Variants in SYF2 observed in about 807,000 individuals in gnomAD.
SYF2 encodes the protein pre-mRNA-splicing factor SYF2.
In SYF2, 21 loss-of-function variants were observed where a neutral mutation model predicts 32.7. That is an observed-to-expected ratio of 0.64 (90% CI 0.45 to 0.92). The LOEUF is 0.92. Among genes scored for constraint, SYF2 ranks in the 40% least tolerant of loss-of-function variants. The probability of loss-of-function intolerance (pLI) is 0.00; values close to 1 mark genes in which losing one functional copy is unlikely to be tolerated. For missense variants in SYF2, 278 were observed against 296.5 expected, an observed-to-expected ratio of 0.94 and a Z score of 0.46; for synonymous variants, 114 against 103.9, an observed-to-expected ratio of 1.10 and a Z score of -0.59.
Position 25,228,918 on chromosome 1 carries a change from T to C in SYF2, c.258+80A>G, listed in dbSNP as rs1396491794. The stretch of plus-strand genomic sequence containing the variant: ...TGGCAGCTTGGCCTAAGAGCCAGTG[T>C]ATACAACCACCATGTTGTAGTGTCT... On this transcript the variant is annotated intron_variant, in intron 3 of 6. Coordinates refer to ENST00000236273, the MANE Select transcript of SYF2 (RefSeq NM_015484.5). The C allele has an allele frequency of 2.0e-6, 3 of 1,515,218 alleles. No individual in the cohort carries two copies. The African/African-American group carries it at 4.4e-5, about 22-fold the overall frequency. 93.9% of individuals were successfully genotyped at this position (1,515,218 alleles called of 1,614,324 possible).
chr1:25,227,236 C>A (rs1245469507), intron 5 of SYF2, among the ~76,000 whole-genome samples: 1 of 152,016 alleles, frequency 6.6e-6, no homozygotes, highest in East Asian at 1.9e-4. Context: ...TGAGCTGAGA[C>A]CGCACCATTC....
intron 4 of SYF2, 76 bp from the exon 5 acceptor site, chr1:25,227,608 T>A: frequency 7.6e-7 from 1 of 1,309,970 alleles, no homozygotes; most frequent in South Asian, 1.3e-5. Context: ...AAATCTAAAT[T>A]ATCACAGGTG....
chr1:25,232,388 C>T, intron 1 of SYF2, 56 bp downstream of exon 1: 1 of 1,613,906 alleles, frequency 6.2e-7, no homozygotes, highest in Non-Finnish European at 8.5e-7. Context: ...TCTCTCCAGG[C>T]CGCTCCCCGG....
At position 25,222,602 on chromosome 1, in the gene SYF2, T is replaced by C. The variant is rs1396848466; in HGVS notation, c.*664A>G. On this transcript the variant is annotated 3_prime_UTR_variant, in exon 7 of 7. Coordinates refer to ENST00000236273, the MANE Select transcript of SYF2 (RefSeq NM_015484.5). ...CCATAATAAAATATTCTTTCAGTGT[T>C]TGTAGAATGGAAGCATGTATGTATA... 1 of 152,144 alleles carries C rather than the reference T, an allele frequency of 6.6e-6. No homozygotes were observed. The highest frequency in any genetic ancestry group is 2.4e-5 in the African/African-American group (1 of 41,430). 9.4% of individuals were successfully genotyped at this position (152,144 alleles called of 1,614,324 possible). A position where few individuals can be genotyped will look rare whatever the true frequency, so the allele number is the denominator to read the frequency against.
Position 25,232,162 on chromosome 1 carries a change from A to G in SYF2, c.74T>C (p.Leu25Pro), listed in dbSNP as rs1292572110. Residue 25 changes from leucine to proline, a missense_variant, in exon 2 of 7, where the codon CTG (leucine) becomes CCG (proline). By Grantham distance (98) the Leu-to-Pro change is moderately conservative (BLOSUM62 -3). Transcript: ENST00000236273. ...TCTCTGTTCGCGCTTCTGAGCGGCC[A>G]GCTCCGCCGCCGCAGCGAGGGACCC... ...EEGSLAAAAE[L>P]AAQKREQRLR... is the part of the protein sequence containing the mutation. The G allele has an allele frequency of 6.2e-7, 1 of 1,613,836 alleles. No individual in the cohort carries two copies. The highest frequency in any genetic ancestry group is 1.7e-5 in the Admixed American group (1 of 60,016).
rs760506336 is a variant in SYF2, at chr1:25,227,440, ACTGTTTTT to A, written c.461_467+1del. ...ATCACCTCAGGTTGAAAAAGGACTT[ACTGTTTTT>A]CTCTCAGTCTCTCATATGTTTCCAT... On this transcript the variant is annotated splice_donor_variant and coding_sequence_variant, in exon 5 of 7. Coordinates refer to ENST00000236273, the MANE Select transcript of SYF2 (RefSeq NM_015484.5). LOFTEE classifies it high-confidence loss of function. 14 of 1,612,336 alleles carry A rather than the reference ACTGTTTTT, an allele frequency of 8.7e-6. No individual in the cohort carries two copies. Among genetic ancestry groups the A allele is most frequent in the Non-Finnish European group, 1.0e-5 (12 of 1,179,158 alleles).
rs1298418680 is a variant in SYF2, at chr1:25,222,751, A to T, written c.*515T>A. 2.6e-5 allele frequency: 4 copies of T among 152,898 alleles called. No homozygotes were observed. Among genetic ancestry groups the T allele is most frequent in the Non-Finnish European group, 5.8e-5 (4 of 68,426 alleles). 9.5% of individuals were successfully genotyped at this position (152,898 alleles called of 1,614,324 possible). A position where few individuals can be genotyped will look rare whatever the true frequency, so the allele number is the denominator to read the frequency against. Reference sequence around the variant, plus strand: ...GTACATGATCAGATCATGGAAGGATAGCTCCACTCCTCCCCGACCTTGGTC... The same window carrying T: ...GTACATGATCAGATCATGGAAGGATTGCTCCACTCCTCCCCGACCTTGGTC... On this transcript the variant is annotated 3_prime_UTR_variant, in exon 7 of 7. Transcript: ENST00000236273.
chr1:25,223,120 A>C lies in SYF2; in HGVS notation c.*146T>G, dbSNP rs1557468052. On this transcript the variant is annotated 3_prime_UTR_variant, in exon 7 of 7. Transcript: ENST00000236273. ...ATACATGAAAGGATATACGTTTAAG[A>C]AACCACATTTTTATTTCTAAATGCT... 1 of 708,640 alleles carries C rather than the reference A, an allele frequency of 1.4e-6. No individual in the cohort carries two copies. Among genetic ancestry groups the C allele is most frequent in the Non-Finnish European group, 2.2e-6 (1 of 448,368 alleles). 43.9% of individuals were successfully genotyped at this position (708,640 alleles called of 1,614,324 possible).
intron 2 of SYF2, among the ~76,000 whole-genome samples, chr1:25,230,100 G>A (rs930017626): frequency 6.6e-6 from 1 of 152,322 alleles, no homozygotes; most frequent in Non-Finnish European, 1.5e-5. Flanking sequence ...TTACAGGCAT[G>A]TGCCACCACA....
Position 25,229,246 on chromosome 1 carries a change from G to A in SYF2, c.133-123C>T. The A allele has an allele frequency of 6.1e-6, 7 of 1,141,784 alleles. 1 individual carries two copies. The South Asian group carries it at 1.1e-4, about 18-fold the overall frequency. The allele number at this position is 1,141,784 out of a possible 1,614,324, so 70.7% of individuals were successfully genotyped here. On this transcript the variant is annotated intron_variant, in intron 2 of 6. Transcript: ENST00000236273. ...AAGCTGACCCCATTTTATCCTAAAAGCAATAGAGAGCCATCACAGGATTTT... is the reference window on the plus strand; with the variant it reads ...AAGCTGACCCCATTTTATCCTAAAAACAATAGAGAGCCATCACAGGATTTT...
chr1:25,227,237 C>G (rs981343659), intron 5 of SYF2, among the ~76,000 whole-genome samples: 1 of 152,030 alleles, frequency 6.6e-6, no homozygotes, highest in Non-Finnish European at 1.5e-5. Flanking sequence ...GAGCTGAGAC[C>G]GCACCATTCA....
At position 25,232,126 on chromosome 1, in the gene SYF2, A is replaced by C. The variant is rs1286005745; in HGVS notation, c.110T>G (p.Phe37Cys). 6.2e-7 allele frequency: 1 copy of C among 1,613,848 alleles called. No homozygotes were observed. The highest frequency in any genetic ancestry group is 8.5e-7 in the Non-Finnish European group (1 of 1,179,988). The change falls in exon 2 of 7, where the codon TTC becomes TGC. Residue 37 changes from phenylalanine (F) to cysteine (C), a missense_variant. Phe to Cys is a radical substitution (Grantham distance 205). Coordinates refer to ENST00000236273, the MANE Select transcript of SYF2 (RefSeq NM_015484.5). Reference protein sequence around the residue: ...AQKREQRLRKFRELHLMRNEA... With the variant: ...AQKREQRLRKCRELHLMRNEA... Reference sequence around the variant, plus strand: ...CACCCGCATCAGGTGCAGCTCCCGGAATTTGCGCAGTCTCTGTTCGCGCTT... The same window carrying C: ...CACCCGCATCAGGTGCAGCTCCCGGCATTTGCGCAGTCTCTGTTCGCGCTT...
chr1:25,225,857 CAA>C (rs554935229), intron 5 of SYF2, among the ~76,000 whole-genome samples: 4 of 119,290 alleles, frequency 3.4e-5, no homozygotes, highest in Admixed American at 1.9e-4. Flanking sequence ...GACTCTGTCT[CAA>C]AAAAAAAAAA....
rs1318253781 is a variant in SYF2 at position 25,223,258 on chromosome 1, T to C, written c.*8A>G. 6.8e-6 allele frequency: 11 copies of C among 1,607,790 alleles called. No homozygotes were observed. Among genetic ancestry groups the C allele is most frequent in the African/African-American group, 1.3e-5 (1 of 74,442 alleles). ...TTCTCAAGCTTCTATAAACAGTTCT[T>C]GAAGGGATTAGACAGCTGTTCCTCT... On this transcript the variant is annotated 3_prime_UTR_variant, in exon 7 of 7. Coordinates refer to ENST00000236273, the MANE Select transcript of SYF2 (RefSeq NM_015484.5).
In SYF2 at chr1:25,224,924, G is replaced by A. The variant is rs112652309; in HGVS notation, c.566+78C>T. The A allele has an allele frequency of 5.0e-4, 517 of 1,024,170 alleles. 2 individuals carry two copies. In the African/African-American group the frequency reaches 6.4e-3, roughly 13 times the overall value. 63.4% of individuals were successfully genotyped at this position (1,024,170 alleles called of 1,614,324 possible). A position where few individuals can be genotyped will look rare whatever the true frequency, so the allele number is the denominator to read the frequency against. The stretch of plus-strand genomic sequence containing the variant: ...TATCTTTTGAATTCATTCTAAGCAC[G>A]TCAGATATAGGTGCATATTCTAAGT... On this transcript the variant is annotated intron_variant, in intron 6 of 6. Transcript: ENST00000236273.
intron 5 of SYF2, among the ~76,000 whole-genome samples, chr1:25,226,418 C>A (rs1378028700): frequency 1.3e-5 from 2 of 152,220 alleles, no homozygotes; most frequent in Non-Finnish European, 2.9e-5. Flanking sequence ...GAATTCTCTG[C>A]AGCTGCTTTT....
At chr1:25,231,458 G>C (rs995497760) in intron 2 of SYF2, 4 of 152,380 alleles carry the variant, frequency 2.6e-5, no homozygotes, top group African/African-American at 9.7e-5. Context: ...TTAGTTGTCT[G>C]GCTTTCAAAC....
At position 25,224,997 on chromosome 1, in the gene SYF2, C is replaced by T. The variant is rs1483754310; in HGVS notation, c.566+5G>A. On this transcript the variant is annotated splice_donor_5th_base_variant and intron_variant, in intron 6 of 6. Coordinates refer to ENST00000236273, the MANE Select transcript of SYF2 (RefSeq NM_015484.5). ...CAACGTCAAGCTGCTCTACTGAATACTTACTGTTTTTCCAGATCTATGACC... is the reference window on the plus strand; with the variant it reads ...CAACGTCAAGCTGCTCTACTGAATATTTACTGTTTTTCCAGATCTATGACC... 6.2e-7 allele frequency: 1 copy of T among 1,604,916 alleles called. No homozygotes were observed. The highest frequency in any genetic ancestry group is 1.1e-5 in the South Asian group (1 of 90,896).
chr1:25,228,912 C>CCAGT (rs1638570478), intron 3 of SYF2, 86 bp downstream of exon 3: 1 of 1,493,804 alleles, frequency 6.7e-7, no homozygotes, highest in Admixed American at 2.2e-5. Flanking sequence ...GGCCTAAGAG[C>CCAGT]CAGTGTATAC....
Sources: allele counts gnomAD v4.1 joint callset (sites outside exome capture counted in the v4.1 genomes callset), GRCh38; gene constraint gnomAD v4.1.1; transcripts MANE v1.5; gene names NCBI Gene and HGNC (gene_info 2026-07-23, HGNC 2026-07-21).